Variants in AVEN observed in about 807,000 individuals in gnomAD.
AVEN encodes cell death regulator Aven.
A neutral mutation model predicts 38.1 loss-of-function variants in AVEN; 41 were observed. The ratio of observed to expected loss-of-function variants is 1.08; its 90% CI spans 0.84 to 1.40. AVEN has a LOEUF of 1.40. AVEN is among the 40% of genes most tolerant of loss of function. AVEN has a pLI of 0.00. For synonymous variants in AVEN, 206 were observed against 171.8 expected, an observed-to-expected ratio of 1.20 and a Z score of -1.56; for missense variants, 605 against 438.8, an observed-to-expected ratio of 1.38 and a Z score of -3.38.
At chr15:34,056,404 G>A (rs1900151456) in intron 5 of AVEN, among the ~76,000 whole-genome samples, 1 of 152,134 alleles carries the variant, frequency 6.6e-6, no homozygotes, top group Non-Finnish European at 1.5e-5. Flanking sequence ...GGATTCCACA[G>A]GATATTAACA....
chr15:34,038,401 G>T (rs1192476815), intron 1 of AVEN, among the ~76,000 whole-genome samples: 2 of 152,188 alleles, frequency 1.3e-5, no homozygotes, highest in African/African-American at 4.8e-5. Flanking sequence ...GGACCACGTC[G>T]TGGCCGCGCC....
intron 1 of AVEN, among the ~76,000 whole-genome samples, chr15:34,011,851 A>G (rs148374343): frequency 1.3e-5 from 2 of 152,318 alleles, no homozygotes; most frequent in East Asian, 3.9e-4. Context: ...GGATTTCTCA[A>G]AGTCAAGACC....
chr15:34,019,267 A>G (rs1396039387), intron 1 of AVEN, among the ~76,000 whole-genome samples: 1 of 152,372 alleles, frequency 6.6e-6, no homozygotes, highest in African/African-American at 2.4e-5. Context: ...AAAATCTTTT[A>G]AAAGTAGAAA....
At position 34,063,700 on chromosome 15, in the gene AVEN, A is replaced by C. The variant is rs745980649; in HGVS notation, n.1127-268T>G. Reference sequence around the variant, plus strand: ...GTCCTCCAAGTGGTCTACAAGAGTCAGGGTAAGGAAAGCCCAGGGGAAGAA... The same window carrying C: ...GTCCTCCAAGTGGTCTACAAGAGTCCGGGTAAGGAAAGCCCAGGGGAAGAA... On this transcript the variant is annotated intron_variant and non_coding_transcript_variant, in intron 4 of 11. Coordinates refer to the AVEN transcript ENST00000675287. The surrounding 1 kb of genome is among the most constrained non-coding windows in gnomAD (Gnocchi z 4.1). 1 of 1,614,212 alleles carries C rather than the reference A, an allele frequency of 6.2e-7. No individual in the cohort carries two copies. Among genetic ancestry groups the C allele is most frequent in the Non-Finnish European group, 8.5e-7 (1 of 1,180,042 alleles).
downstream of AVEN, chr15:33,858,330 T>C: frequency 5.7e-6 from 1 of 175,112 alleles, no homozygotes; most frequent in Non-Finnish European, 1.2e-5. Context: ...TCAGCCTCCC[T>C]AGTAGCTGGG....
chr15:33,965,066 GAT>G, intron 2 of AVEN, among the ~76,000 whole-genome samples: 1 of 152,170 alleles, frequency 6.6e-6, no homozygotes, highest in East Asian at 1.9e-4. Flanking sequence ...GAAGATGAAT[GAT>G]AACAGTCTGC....
intron 2 of AVEN, among the ~76,000 whole-genome samples, chr15:33,964,132 G>A (rs1895301375): frequency 1.3e-5 from 2 of 151,470 alleles, no homozygotes; most frequent in Non-Finnish European, 2.9e-5. Context: ...CTACCGCCAG[G>A]ACATAGCATA....
intron 1 of AVEN, chr15:34,006,954 A>C (rs1300978349): frequency 7.1e-6 from 4 of 564,188 alleles, no homozygotes; most frequent in Non-Finnish European, 9.0e-6. Flanking sequence ...ACTGATCAGA[A>C]AACAAGGTGA....
Position 34,039,012 on chromosome 15 carries a change from C to G in AVEN, c.35G>C (p.Gly12Ala). 1.8e-6 allele frequency: 2 copies of G among 1,124,164 alleles called. No homozygotes were observed. Among genetic ancestry groups the G allele is most frequent in the South Asian group, 3.7e-5 (1 of 26,988 alleles). The allele number at this position is 1,124,164 out of a possible 1,614,324, so 69.6% of individuals were successfully genotyped here. A position where few individuals can be genotyped will look rare whatever the true frequency, so the allele number is the denominator to read the frequency against. Reference protein sequence around the residue: ...QAERGARGGRGRRPGRGRPGG... With the variant: ...QAERGARGGRARRPGRGRPGG... ...AGGCCGGCCGCGGCCTGGCCGCCGC[C>G]CACGGCCTCCCCGAGCTCCTCGCTC... Residue 12 changes from glycine to alanine, a missense_variant, in exon 1 of 6, where the codon GGG becomes GCG. Coordinates refer to ENST00000306730, the MANE Select transcript of AVEN (RefSeq NM_020371.3).
chr15:34,037,104 C>G (rs1356746379), intron 1 of AVEN, among the ~76,000 whole-genome samples: 1 of 129,056 alleles, frequency 7.7e-6, no homozygotes, highest in Non-Finnish European at 1.5e-5. Flanking sequence ...AGTAAAACTC[C>G]GTCTCAAAAA....
chr15:33,915,404 G>C (rs1172452815), intron 2 of AVEN, among the ~76,000 whole-genome samples: 3 of 152,136 alleles, frequency 2.0e-5, no homozygotes, highest in African/African-American at 7.2e-5. Context: ...ACCCTCACTG[G>C]GGAACATGAA....
intron 3 of AVEN, among the ~76,000 whole-genome samples, chr15:33,871,624 G>C (rs1197604278): frequency 6.6e-6 from 1 of 152,038 alleles, no homozygotes; most frequent in Admixed American, 6.5e-5. Context: ...TGCAATGACT[G>C]ACAAGCTGAA....
intron 2 of AVEN, among the ~76,000 whole-genome samples, chr15:33,915,998 C>T (rs556708622): frequency 1.3e-5 from 2 of 152,270 alleles, no homozygotes; most frequent in Non-Finnish European, 2.9e-5. Context: ...CACACCTCCA[C>T]CCCCACAGCA....
intron 5 of AVEN, among the ~76,000 whole-genome samples, chr15:34,052,375 C>T (rs1297618451): frequency 6.6e-6 from 1 of 152,204 alleles, no homozygotes; most frequent in Non-Finnish European, 1.5e-5. Context: ...CTGTGACAGA[C>T]TCACAGCCAA....
At chr15:33,938,665 C>T (rs1039232540) in intron 2 of AVEN, among the ~76,000 whole-genome samples, 4 of 152,178 alleles carry the variant, frequency 2.6e-5, no homozygotes, top group Non-Finnish European at 4.4e-5. Flanking sequence ...CTTAGCAGCA[C>T]CTTATTCATC....
At chr15:33,907,396 T>C (rs118045174) in intron 2 of AVEN, among the ~76,000 whole-genome samples, 1,922 of 152,310 alleles carry the variant, frequency 0.013, 19 homozygotes, top group Non-Finnish European at 0.02. Context: ...GGTATCAACA[T>C]CAGTCATTTT....
At chr15:33,862,204 G>A (rs1191110633), downstream of AVEN, among the ~76,000 whole-genome samples, 1 of 151,702 alleles carries the variant, frequency 6.6e-6, no homozygotes, top group African/African-American at 2.4e-5. Flanking sequence ...CTATTTTGTA[G>A]CTTAGAGAGT....
intron 2 of AVEN, among the ~76,000 whole-genome samples, chr15:33,886,278 G>T (rs140869718): frequency 7.9e-5 from 12 of 152,104 alleles, no homozygotes; most frequent in Admixed American, 5.2e-4. Context: ...CATGCTATTC[G>T]CATGATAGTA....
downstream of AVEN, chr15:33,864,031 G>C (rs1259371093): frequency 5.5e-6 from 4 of 729,304 alleles, no homozygotes; most frequent in East Asian, 5.4e-5. Flanking sequence ...AGTCACTGTA[G>C]ATAGCGTGGG....
Sources: allele counts gnomAD v4.1 joint callset (sites outside exome capture counted in the v4.1 genomes callset), GRCh38; gene constraint gnomAD v4.1.1; non-coding constraint Gnocchi (gnomAD v3.1); transcripts MANE v1.5; gene names NCBI Gene and HGNC (gene_info 2026-07-23, HGNC 2026-07-21).